RAPGEF5: variants seen among roughly 807,000 people sequenced by gnomAD.
RAPGEF5 encodes M-Ras-regulated GEF.
A neutral mutation model predicts 125.2 loss-of-function variants in RAPGEF5; 65 were observed. The ratio of observed to expected loss-of-function variants is 0.52; its 90% CI spans 0.43 to 0.64. The LOEUF is 0.64. RAPGEF5 is among the 30% of genes least tolerant of loss of function. The pLI is 0.00. For missense variants in RAPGEF5, 958 were observed against 1,048.1 expected (o/e 0.91, Z 1.19); for synonymous variants, 391 against 385.9 (o/e 1.01, Z -0.16).
intron 7 of RAPGEF5, among the ~76,000 whole-genome samples, chr7:22,246,546 C>T (rs1310330485): frequency 6.6e-6 from 1 of 152,052 alleles, no homozygotes; most frequent in East Asian, 1.9e-4. Flanking sequence ...ATGAAATATA[C>T]CCCTACCTTT....
chr7:22,346,522 C>T (rs1784227796), intron 1 of RAPGEF5, among the ~76,000 whole-genome samples: 1 of 152,140 alleles, frequency 6.6e-6, no homozygotes, highest in South Asian at 2.1e-4. Context: ...AAGCTGTTCA[C>T]TTCCCTCAAC....
chr7:22,305,825 G>A (rs138658422), intron 5 of RAPGEF5, among the ~76,000 whole-genome samples: 11 of 152,170 alleles, frequency 7.2e-5, no homozygotes, highest in East Asian at 1.9e-4. Flanking sequence ...TGTGCCTGGC[G>A]TATGTCATTC....
At chr7:22,202,110 G>C (rs1022985203) in intron 9 of RAPGEF5, among the ~76,000 whole-genome samples, 1 of 152,182 alleles carries the variant, frequency 6.6e-6, no homozygotes, top group African/African-American at 2.4e-5. Context: ...GGTAGAAAAG[G>C]AAAATTCAAG....
intron 7 of RAPGEF5, among the ~76,000 whole-genome samples, chr7:22,251,414 C>A (rs111619770): frequency 5.3e-4 from 81 of 152,250 alleles, no homozygotes; most frequent in African/African-American, 1.9e-3. Flanking sequence ...GCCTCTTGGG[C>A]CCTGCCTCAG....
At chr7:22,147,853 T>C (rs1471086805) in intron 18 of RAPGEF5, among the ~76,000 whole-genome samples, 2 of 152,194 alleles carry the variant, frequency 1.3e-5, no homozygotes, top group Non-Finnish European at 2.9e-5. Context: ...CAAAAATAAA[T>C]GACATAGTAG....
chr7:22,206,688 GA>G (rs1202149831), intron 9 of RAPGEF5, among the ~76,000 whole-genome samples: 9,854 of 62,582 alleles, frequency 0.16, 353 homozygotes, highest in Middle Eastern at 0.29. Flanking sequence ...CATGTCACAA[GA>G]AAAAAAAAAA....
chr7:22,350,550 G>T (rs1421289139), intron 1 of RAPGEF5, among the ~76,000 whole-genome samples: 1 of 152,114 alleles, frequency 6.6e-6, no homozygotes, highest in Admixed American at 6.5e-5. Flanking sequence ...TCATTACAGA[G>T]GAAGACACTG....
At chr7:22,250,683 A>T (rs1217555312) in intron 7 of RAPGEF5, among the ~76,000 whole-genome samples, 1 of 152,224 alleles carries the variant, frequency 6.6e-6, no homozygotes. Context: ...GGCCTTCAGT[A>T]GATTTTTACT....
chr7:22,313,590 T>G (rs543906538), intron 3 of RAPGEF5, among the ~76,000 whole-genome samples: 14 of 152,188 alleles, frequency 9.2e-5, no homozygotes, highest in African/African-American at 3.4e-4. Flanking sequence ...CTAATTTGGA[T>G]AGATGGATTT....
At chr7:22,130,400 A>C (rs989394263) in intron 24 of RAPGEF5, among the ~76,000 whole-genome samples, 14 of 152,220 alleles carry the variant, frequency 9.2e-5, no homozygotes, top group African/African-American at 3.1e-4. Context: ...GCAGTGGTTC[A>C]GAAACATTTA....
At chr7:22,144,038 G>A (rs976947945) in intron 20 of RAPGEF5, among the ~76,000 whole-genome samples, 5 of 152,208 alleles carry the variant, frequency 3.3e-5, no homozygotes, top group East Asian at 1.9e-4. Context: ...AACTGGAAGC[G>A]CAGGAAGTAA....
At chr7:22,257,750 G>C (rs1241413344) in intron 7 of RAPGEF5, among the ~76,000 whole-genome samples, 1 of 152,130 alleles carries the variant, frequency 6.6e-6, no homozygotes, top group African/African-American at 2.4e-5. Flanking sequence ...TTTACCCCTA[G>C]ATTGTTTCCC....
intron 16 of RAPGEF5, among the ~76,000 whole-genome samples, chr7:22,156,003 G>A (rs975436272): frequency 6.6e-6 from 1 of 152,200 alleles, no homozygotes; most frequent in Non-Finnish European, 1.5e-5. Flanking sequence ...TGGTACGGAT[G>A]ACACTTAATA....
intron 3 of RAPGEF5, among the ~76,000 whole-genome samples, chr7:22,311,845 T>G (rs1743794843): frequency 6.6e-6 from 1 of 152,222 alleles, no homozygotes; most frequent in Non-Finnish European, 1.5e-5. Context: ...AATTAACTAA[T>G]TAATTCCTCA....
chr7:22,144,824 A>G (rs1246555137), intron 20 of RAPGEF5, among the ~76,000 whole-genome samples: 1 of 152,258 alleles, frequency 6.6e-6, no homozygotes, highest in Non-Finnish European at 1.5e-5. Context: ...CAGAGAGCAC[A>G]GTGCTTCTGT....
intron 8 of RAPGEF5, among the ~76,000 whole-genome samples, chr7:22,229,313 T>C (rs913157571): frequency 6.6e-6 from 1 of 152,224 alleles, no homozygotes; most frequent in Non-Finnish European, 1.5e-5. Flanking sequence ...CTGGGCTTAG[T>C]AACCATCTTA....
chr7:22,140,151 A>C (rs1433796150), intron 20 of RAPGEF5, 36 bp from the exon 21 acceptor site: 22 of 1,506,664 alleles, frequency 1.5e-5, no homozygotes, highest in Non-Finnish European at 1.9e-5. Flanking sequence ...CACTTTGAGG[A>C]AACATTCTTT....
intron 6 of RAPGEF5, among the ~76,000 whole-genome samples, chr7:22,269,289 T>C (rs1782361763): frequency 1.3e-5 from 2 of 152,082 alleles, no homozygotes; most frequent in South Asian, 4.1e-4. Context: ...ATCCCTTTCA[T>C]GCTGCTACAG....
chr7:22,296,694 G>T (rs1399502330), intron 5 of RAPGEF5, among the ~76,000 whole-genome samples: 2 of 152,204 alleles, frequency 1.3e-5, no homozygotes, highest in Non-Finnish European at 2.9e-5. Flanking sequence ...CTCTAGGAAT[G>T]GACTATTCCT....
Sources: allele counts gnomAD v4.1 joint callset (sites outside exome capture counted in the v4.1 genomes callset), GRCh38; gene constraint gnomAD v4.1.1; transcripts MANE v1.5; gene names NCBI Gene and HGNC (gene_info 2026-07-23, HGNC 2026-07-21).